The following NMT2 variants were observed in gnomAD, a reference collection of about 807,000 sequenced individuals.
The protein encoded by NMT2 is glycylpeptide N-tetradecanoyltransferase 2.
Under a neutral mutation model 65.4 loss-of-function variants are expected in NMT2, and 35 were observed. The ratio of observed to expected loss-of-function variants is 0.54; its 90% CI spans 0.41 to 0.71. The LOEUF (loss-of-function observed/expected upper bound fraction) is 0.71, where lower values mean the gene tolerates loss of function less well. Among genes scored for constraint, NMT2 ranks in the 30% least tolerant of loss-of-function variants. The pLI is 0.00. For missense variants in NMT2, 489 were observed against 611.3 expected (o/e 0.80, Z 2.11); for synonymous variants, 226 against 231.8 (o/e 0.98, Z 0.23).
At chr10:15,141,660 T>G in intron 1 of NMT2, 103 bp from the exon 2 acceptor site, 7 of 1,382,746 alleles carry the variant, frequency 5.1e-6, no homozygotes, top group Non-Finnish European at 6.8e-6. Flanking sequence ...AGCTGTTACA[T>G]GCAGTAGAAA....
intron 5 of NMT2, 52 bp downstream of exon 5, chr10:15,133,001 G>T: frequency 6.3e-7 from 1 of 1,592,562 alleles, no homozygotes; most frequent in Non-Finnish European, 8.6e-7. Context: ...AGACGCAGGA[G>T]TCCCCAAGTC....
intron 1 of NMT2, among the ~76,000 whole-genome samples, chr10:15,144,230 A>AGT (rs1589340955): frequency 6.6e-6 from 1 of 152,296 alleles, no homozygotes; most frequent in East Asian, 1.9e-4. Context: ...AGGGAGCTAC[A>AGT]GAAATGGGCA....
chr10:15,153,994 GTGGGCTCCAGTCCCAAAAT>G (rs1232568977), intron 1 of NMT2, among the ~76,000 whole-genome samples: 1 of 152,146 alleles, frequency 6.6e-6, no homozygotes, highest in Non-Finnish European at 1.5e-5. Context: ...GTTGAGCTGC[GTGGGCTCCAGTCCCAAAAT>G]AACAGCCGCT....
intron 2 of NMT2, among the ~76,000 whole-genome samples, chr10:15,140,723 G>A (rs1433802798): frequency 1.3e-5 from 2 of 152,118 alleles, no homozygotes; most frequent in Admixed American, 1.3e-4. Flanking sequence ...CATCAAGAGG[G>A]CTTTGTGTTT....
chr10:15,136,148 G>A (rs1284988897), intron 2 of NMT2, among the ~76,000 whole-genome samples: 1 of 151,666 alleles, frequency 6.6e-6, no homozygotes, highest in Non-Finnish European at 1.5e-5. Context: ...TTGAACCTGG[G>A]AGGTGGAGGT....
Position 15,106,912 on chromosome 10 carries a change from G to A in NMT2, c.*2283C>T, listed in dbSNP as rs1326927429. 6.6e-6 allele frequency among the ~76,000 whole-genome samples: 1 copy of A among 152,168 alleles called. No homozygotes were observed. The highest frequency in any genetic ancestry group is 2.4e-5 in the African/African-American group (1 of 41,452). On this transcript the variant is annotated 3_prime_UTR_variant, in exon 12 of 12. Transcript: ENST00000378165. ...GGCCAGGAGTTAAAGACCAGCACGG[G>A]AAACATAGCAAGACCTTGTCTCTAC...
chr10:15,116,323 G>A (rs761616521), intron 9 of NMT2, among the ~76,000 whole-genome samples: 1 of 152,166 alleles, frequency 6.6e-6, no homozygotes, highest in Non-Finnish European at 1.5e-5. Flanking sequence ...ACAATTCTAA[G>A]TAGGGGTGGG....
chr10:15,138,364 C>T (rs2131565858), intron 2 of NMT2: 2 of 471,112 alleles, frequency 4.2e-6, no homozygotes, highest in African/African-American at 2.0e-5. Flanking sequence ...TCCAAATCCA[C>T]AGGGACAAAG....
At chr10:15,152,586 C>T (rs997634653) in intron 1 of NMT2, among the ~76,000 whole-genome samples, 4 of 152,196 alleles carry the variant, frequency 2.6e-5, no homozygotes, top group African/African-American at 9.7e-5. Flanking sequence ...AGAGCTATTC[C>T]CTCTCAGAAC....
intron 6 of NMT2, among the ~76,000 whole-genome samples, chr10:15,130,793 T>C (rs895042606): frequency 2.7e-5 from 4 of 145,554 alleles, no homozygotes; most frequent in African/African-American, 7.6e-5. Context: ...TTTCTTTTTT[T>C]TTTTTTTTTT....
intron 1 of NMT2, among the ~76,000 whole-genome samples, chr10:15,153,444 C>T (rs1181698678): frequency 1.3e-5 from 2 of 152,208 alleles, no homozygotes; most frequent in Non-Finnish European, 2.9e-5. Context: ...CACCAAGAGT[C>T]CACAACAGGA....
In NMT2 at chr10:15,168,670, C is replaced by T. The variant is rs1410072210; in HGVS notation, c.-58G>A. ...GGGCCGGGCCGGAGCGGCCGCAGCT[C>T]CCTCTAGTGCCTCCCGCCGTACTGC... is the stretch of plus-strand genomic sequence containing the variant. On this transcript the variant is annotated 5_prime_UTR_variant, in exon 1 of 12. Transcript: ENST00000378165. 7.7e-7 allele frequency: 1 copy of T among 1,302,582 alleles called. No individual in the cohort carries two copies. Among genetic ancestry groups the T allele is most frequent in the Non-Finnish European group, 1.1e-6 (1 of 948,222 alleles). 80.7% of individuals were successfully genotyped at this position (1,302,582 alleles called of 1,614,324 possible). A position where few individuals can be genotyped will look rare whatever the true frequency, so the allele number is the denominator to read the frequency against.
At chr10:15,155,348 G>A (rs772414566) in intron 1 of NMT2, 25 of 921,928 alleles carry the variant, frequency 2.7e-5, no homozygotes, top group African/African-American at 1.7e-4. Flanking sequence ...TCCTGGTGGC[G>A]GTGGCGTCTG....
intron 11 of NMT2, 120 bp downstream of exon 11, chr10:15,109,579 AAAT>A: frequency 6.4e-6 from 5 of 784,950 alleles, no homozygotes; most frequent in South Asian, 7.4e-5. Context: ...TCAAAAAAAT[AAAT>A]AAATAAATAA....
chr10:15,109,569 T>A (rs537281723), intron 11 of NMT2, 133 bp downstream of exon 11: 100 of 743,534 alleles, frequency 1.3e-4, no homozygotes, highest in Non-Finnish European at 1.8e-4. Flanking sequence ...AGACTTCATC[T>A]CAAAAAAATA....
At chr10:15,113,137 G>T (rs1248903600) in intron 9 of NMT2, among the ~76,000 whole-genome samples, 174 bp from the exon 10 acceptor site, 1 of 152,088 alleles carries the variant, frequency 6.6e-6, no homozygotes, top group African/African-American at 2.4e-5. Flanking sequence ...GCCAAGAAGG[G>T]CCTGGAGTTG....
intron 1 of NMT2, among the ~76,000 whole-genome samples, chr10:15,156,971 T>A (rs576198497): frequency 2.0e-4 from 30 of 152,302 alleles, no homozygotes; most frequent in African/African-American, 7.2e-4. Context: ...CACTCTGCTT[T>A]CACTGGTTCT....
intron 1 of NMT2, among the ~76,000 whole-genome samples, chr10:15,151,479 C>T (rs188017077): frequency 6.8e-4 from 103 of 152,282 alleles, no homozygotes; most frequent in African/African-American, 2.3e-3. Flanking sequence ...GCCAGAAACA[C>T]GTCTCACATG....
In NMT2 at chr10:15,122,053, C is replaced by G. The variant is rs1292289611; in HGVS notation, c.1000-2540G>C. 4.6e-5 allele frequency among the ~76,000 whole-genome samples: 7 copies of G among 152,164 alleles called. No homozygotes were observed. The East Asian group carries it at 1.3e-3, about 29-fold the overall frequency. On this transcript the variant is annotated intron_variant, in intron 8 of 11. Coordinates refer to ENST00000378165, the MANE Select transcript of NMT2 (RefSeq NM_004808.3). ...CTAAATGCTAGTGGGAAGACCAAAA[C>G]CATATAAAATATATATCATAGTCAT...
Sources: gnomAD v4.1 joint callset for allele counts (sites outside exome capture counted in the v4.1 genomes callset) on GRCh38, gnomAD v4.1.1 for gene constraint, MANE v1.5 for transcripts, NCBI Gene and HGNC (gene_info 2026-07-23, HGNC 2026-07-21) for gene names.